The following TRMT61B variants were observed in gnomAD, a reference collection of about 807,000 sequenced individuals.
TRMT61B encodes the protein tRNA (adenine(58)-N(1))-methyltransferase, mitochondrial.
TRMT61B carries 56 observed loss-of-function variants against 52.0 expected under a neutral mutation model. The ratio of observed to expected loss-of-function variants is 1.08; its 90% CI spans 0.87 to 1.35. The LOEUF (loss-of-function observed/expected upper bound fraction) is 1.35, where lower values mean the gene tolerates loss of function less well. TRMT61B is among the 40% of genes most tolerant of loss of function. TRMT61B has a pLI of 0.00. For synonymous variants in TRMT61B, 206 were observed against 220.0 expected, an observed-to-expected ratio of 0.94 and a Z score of 0.56; for missense variants, 650 against 577.9, an observed-to-expected ratio of 1.12 and a Z score of -1.28.
intron 5 of TRMT61B, 52 bp downstream of exon 5, chr2:28,851,020 G>C: frequency 1.7e-6 from 2 of 1,195,836 alleles, no homozygotes; most frequent in Admixed American, 2.2e-5. Flanking sequence ...AGTATACTCA[G>C]GAACTCATTC....
In TRMT61B at chr2:28,864,149, T is replaced by C. The variant is rs1669729688; in HGVS notation, c.802+868A>G. Among the ~76,000 whole-genome samples the C allele has an allele frequency of 3.3e-5, 5 of 152,280 alleles. No individual in the cohort carries two copies. The South Asian group carries it at 1.0e-3, about 32-fold the overall frequency. ...AAGATAATTCTTCATGATCTAGCTT[T>C]TTACTTAATAGCTCTGTACTATGAT... On this transcript the variant is annotated intron_variant, in intron 2 of 6. Coordinates refer to ENST00000306108, the MANE Select transcript of TRMT61B (RefSeq NM_017910.4).
chr2:28,868,980 G>T (rs1414997221), intron 1 of TRMT61B, among the ~76,000 whole-genome samples: 1 of 152,172 alleles, frequency 6.6e-6, no homozygotes, highest in Non-Finnish European at 1.5e-5. Context: ...CTCCAGCCTG[G>T]ATGACAGAGT....
At chr2:28,858,998 G>A (rs1237006343) in intron 3 of TRMT61B, among the ~76,000 whole-genome samples, 2 of 148,732 alleles carry the variant, frequency 1.3e-5, no homozygotes, top group Non-Finnish European at 3.0e-5. Flanking sequence ...AGGTTCAAGC[G>A]ATTCTCCTGA....
At position 28,852,035 on chromosome 2, in the gene TRMT61B, G is replaced by T. The variant is rs377555816; in HGVS notation, c.1085+373C>A. Among the ~76,000 whole-genome samples, 5 of 151,792 alleles carry T rather than the reference G, an allele frequency of 3.3e-5. No homozygotes were observed. The East Asian group carries it at 7.8e-4, about 24-fold the overall frequency. ...CAGTTACAAAATGAATATTTTGGCTGGGCGTGGTGGCTCAAGCCTGTAAGC... is the reference window on the plus strand; with the variant it reads ...CAGTTACAAAATGAATATTTTGGCTTGGCGTGGTGGCTCAAGCCTGTAAGC... On this transcript the variant is annotated intron_variant, in intron 4 of 6. Transcript: ENST00000306108.
Position 28,861,132 on chromosome 2 carries a change from A to C in TRMT61B, c.979T>G (p.Leu327Val). ...AGAAAACTTACTGCGTCAAATGTTA[A>C]AGATTTTATGTCTTCGGTTGCTCCT... ...ISGATEDIKS[L>V]TFDAVALDML... Residue 327 changes from leucine (L) to valine (V), a missense_variant, in exon 3 of 7, where the codon TTA becomes GTA. Physicochemically the swap from Leu to Val is conservative, Grantham distance 32 (BLOSUM62 1). Transcript: ENST00000306108. 3.1e-6 allele frequency: 5 copies of C among 1,601,450 alleles called. No individual in the cohort carries two copies. Among genetic ancestry groups the C allele is most frequent in the Non-Finnish European group, 4.3e-6 (5 of 1,175,942 alleles).
chr2:28,862,864 TTGTGTGTGTG>T (rs34139201), intron 2 of TRMT61B, among the ~76,000 whole-genome samples: 4 of 144,032 alleles, frequency 2.8e-5, no homozygotes, highest in Admixed American at 7.0e-5. Context: ...GTATTTGTAT[TTGTGTGTGTG>T]TGTGTGTGTG....
At chr2:28,862,646 T>C (rs1278576814) in intron 2 of TRMT61B, among the ~76,000 whole-genome samples, 1 of 151,782 alleles carries the variant, frequency 6.6e-6, no homozygotes, top group Non-Finnish European at 1.5e-5. Context: ...TAATGTAATT[T>C]TAACTTGCAT....
intron 2 of TRMT61B, 56 bp downstream of exon 2, chr2:28,864,961 T>C (rs1053079185): frequency 6.7e-6 from 7 of 1,038,716 alleles, no homozygotes; most frequent in African/African-American, 6.3e-5. Flanking sequence ...TCTGTTATTA[T>C]GAACAAATTG....
intron 1 of TRMT61B, among the ~76,000 whole-genome samples, chr2:28,866,575 G>T (rs1669857854): frequency 6.6e-6 from 1 of 152,122 alleles, no homozygotes; most frequent in Admixed American, 6.6e-5. Flanking sequence ...AGGCAGTAAT[G>T]CTCACTACCC....
chr2:28,863,430 CAA>C (rs61373068), intron 2 of TRMT61B, among the ~76,000 whole-genome samples: 6 of 119,556 alleles, frequency 5.0e-5, no homozygotes, highest in Admixed American at 8.4e-5. Context: ...GAACCCGCCT[CAA>C]AAAAAAAAAA....
At chr2:28,857,580 TTC>T (rs1318913356) in intron 3 of TRMT61B, among the ~76,000 whole-genome samples, 5 of 152,206 alleles carry the variant, frequency 3.3e-5, no homozygotes, top group Non-Finnish European at 7.3e-5. Context: ...TTTACATGAA[TTC>T]TCTTATTTAA....
chr2:28,852,309 TC>T, intron 4 of TRMT61B, 98 bp downstream of exon 4: 1 of 413,170 alleles, frequency 2.4e-6, no homozygotes, highest in Non-Finnish European at 4.0e-6. Context: ...TTTTTTTCTG[TC>T]TCAAAAAAAA....
chr2:28,863,019 T>C (rs190832252), intron 2 of TRMT61B, among the ~76,000 whole-genome samples: 1 of 152,220 alleles, frequency 6.6e-6, no homozygotes, highest in East Asian at 1.9e-4. Context: ...TTTGATACCA[T>C]TTGGAGATTA....
chr2:28,865,486 A>T (rs1669798801), intron 1 of TRMT61B, among the ~76,000 whole-genome samples: 1 of 152,156 alleles, frequency 6.6e-6, no homozygotes, highest in South Asian at 2.1e-4. Context: ...CAGAGAATTA[A>T]ATGCCAGTAT....
chr2:28,868,540 G>A (rs1324306867), intron 1 of TRMT61B, among the ~76,000 whole-genome samples: 3 of 152,184 alleles, frequency 2.0e-5, no homozygotes, highest in African/African-American at 7.2e-5. Flanking sequence ...GAGGACTGCA[G>A]TTCAACACTA....
Position 28,855,643 on chromosome 2 carries a change from G to A in TRMT61B, c.994-3144C>T, listed in dbSNP as rs536925068. ...CAAGCTTGGGGGAAATAAGAATTCA[G>A]GTTTGGACATGTATTTAAGATGCCT... On this transcript the variant is annotated intron_variant, in intron 3 of 6. Transcript: ENST00000306108. Among the ~76,000 whole-genome samples, 6 of 152,260 alleles carry A rather than the reference G, an allele frequency of 3.9e-5. No individual in the cohort carries two copies. In the South Asian group the frequency reaches 1.2e-3, roughly 32 times the overall value.
Position 28,865,091 on chromosome 2 carries a change from T to A in TRMT61B, c.728A>T (p.Asp243Val). 1 of 1,611,242 alleles carries A rather than the reference T, an allele frequency of 6.2e-7. No homozygotes were observed. The highest frequency in any genetic ancestry group is 1.7e-4 in the Middle Eastern group (1 of 6,056). The change falls in exon 2 of 7, where the codon GAT (aspartate) becomes GTT (valine). Residue 243 changes from aspartate (D) to valine (V), a missense_variant. Coordinates refer to ENST00000306108, the MANE Select transcript of TRMT61B (RefSeq NM_017910.4). ...CAAAACAGTATCACCTGGGTTGATA[T>A]CCATCATTGAGAGAATCATATTAAT... ...KDINMILSMM[D>V]INPGDTVLEA...
chr2:28,850,449 TTC>T, intron 5 of TRMT61B, 44 bp from the exon 6 acceptor site: 1 of 1,293,872 alleles, frequency 7.7e-7, no homozygotes, highest in Non-Finnish European at 1.1e-6. Flanking sequence ...ATAAAATATT[TTC>T]TATTTTTTTC....
intron 2 of TRMT61B, among the ~76,000 whole-genome samples, chr2:28,863,667 A>G (rs1669704408): frequency 4.6e-5 from 7 of 152,204 alleles, no homozygotes. Flanking sequence ...ATAGATGATG[A>G]GAAAATGACT....
Sources: gnomAD v4.1 joint callset for allele counts (sites outside exome capture counted in the v4.1 genomes callset) on GRCh38, gnomAD v4.1.1 for gene constraint, MANE v1.5 for transcripts, NCBI Gene and HGNC (gene_info 2026-07-23, HGNC 2026-07-21) for gene names.